MGAM2: variants seen among roughly 807,000 people sequenced by gnomAD.
MGAM2 encodes maltase-glucoamylase 2 (putative), also known as probable maltase-glucoamylase 2.
In MGAM2, 98 loss-of-function variants were observed where a neutral mutation model predicts 96.1. The ratio of observed to expected loss-of-function variants is 1.02; its 90% CI spans 0.87 to 1.21. The LOEUF (loss-of-function observed/expected upper bound fraction) is 1.21, where lower values mean the gene tolerates loss of function less well. Ranked by LOEUF, MGAM2 falls within the 50% of genes most tolerant of loss-of-function variation. The pLI, the probability that MGAM2 is intolerant of heterozygous loss-of-function variation, is 0.00. For synonymous variants in MGAM2, 749 were observed against 414.8 expected (o/e 1.81, Z -9.79); for missense variants, 2,055 against 1,182.4 (o/e 1.74, Z -10.82).
chr7:142,192,482 C>T (rs973135417), intron 37 of MGAM2, among the ~76,000 whole-genome samples: 3 of 152,134 alleles, frequency 2.0e-5, no homozygotes, highest in Non-Finnish European at 4.4e-5. Context: ...TTATAGGAGT[C>T]AAACATGAGA....
At chr7:142,166,774 T>A (rs1446316753) in intron 25 of MGAM2, among the ~76,000 whole-genome samples, 2 of 152,170 alleles carry the variant, frequency 1.3e-5, no homozygotes, top group Non-Finnish European at 2.9e-5. Flanking sequence ...AAAAAATGGA[T>A]GTGTTCATTT....
chr7:142,205,567 T>G (rs1267693059), intron 45 of MGAM2, among the ~76,000 whole-genome samples: 1 of 152,184 alleles, frequency 6.6e-6, no homozygotes, highest in Admixed American at 6.5e-5. Flanking sequence ...TAACTAATGT[T>G]GTTGAACATC....
chr7:142,143,554 G>A (rs1380614524), intron 12 of MGAM2, among the ~76,000 whole-genome samples: 1 of 152,128 alleles, frequency 6.6e-6, no homozygotes, highest in Admixed American at 6.6e-5. Flanking sequence ...AGGACTTATG[G>A]TGGCTTTTCA....
intron 40 of MGAM2, 89 bp from the exon 41 acceptor site, chr7:142,197,311 T>C: frequency 1.5e-6 from 1 of 653,144 alleles, no homozygotes; most frequent in South Asian, 1.7e-5. Context: ...TAACCTACAT[T>C]TTGAATAAAT....
At chr7:142,186,230 A>C (rs1796695843) in intron 35 of MGAM2, 107 bp downstream of exon 35, 1 of 628,300 alleles carries the variant, frequency 1.6e-6, no homozygotes, top group Non-Finnish European at 2.8e-6. Context: ...AAGAGATGAA[A>C]GGGAGAATCT....
At position 142,202,315 on chromosome 7, in the gene MGAM2, A is replaced by G. The variant is rs529507902; in HGVS notation, c.5137+2347A>G. Among the ~76,000 whole-genome samples, 168 of 152,322 alleles carry G rather than the reference A, an allele frequency of 1.1e-3. 3 individuals carry two copies. Among genetic ancestry groups the G allele is most frequent in the Non-Finnish European group, 7.8e-4 (53 of 68,032 alleles). ...CCTTATATAAAATGATAATATTTTT[A>G]TAATTTCAACTTTTATTTTAGATAT... On this transcript the variant is annotated intron_variant, in intron 45 of 47. Coordinates refer to ENST00000477922, the MANE Select transcript of MGAM2 (RefSeq NM_001293626.2).
At chr7:142,122,294 T>A (rs79421137) in intron 3 of MGAM2, among the ~76,000 whole-genome samples, 1 of 152,180 alleles carries the variant, frequency 6.6e-6, no homozygotes, top group Non-Finnish European at 1.5e-5. Context: ...AGTATATTAT[T>A]AGCTACAGTC....
rs187432189 is a variant in MGAM2 at position 142,198,933 on chromosome 7, A to T, written c.5048+194A>T. On this transcript the variant is annotated intron_variant, in intron 44 of 47. Coordinates refer to ENST00000477922, the MANE Select transcript of MGAM2 (RefSeq NM_001293626.2). ...TGAGTTCATAAAGTTAGTCTTAGGG[A>T]TATATATACACACATATATTTTTGT... Among the ~76,000 whole-genome samples, 20 of 152,334 alleles carry T rather than the reference A, an allele frequency of 1.3e-4. No individual in the cohort carries two copies. In the East Asian group the frequency reaches 3.9e-3, roughly 29 times the overall value.
chr7:142,212,861 C>T (rs1797631646), intron 46 of MGAM2, among the ~76,000 whole-genome samples: 1 of 152,174 alleles, frequency 6.6e-6, no homozygotes, highest in South Asian at 2.1e-4. Context: ...GAACTCTCCA[C>T]CCTAAATCAA....
chr7:142,178,656 T>C (rs1240388872), intron 32 of MGAM2, among the ~76,000 whole-genome samples: 1 of 152,196 alleles, frequency 6.6e-6, no homozygotes, highest in Non-Finnish European at 1.5e-5. Context: ...GAAGATCAGA[T>C]AATAATTGTA....
intron 3 of MGAM2, among the ~76,000 whole-genome samples, chr7:142,124,294 T>A (rs912514389): frequency 1.3e-5 from 2 of 152,090 alleles, no homozygotes; most frequent in African/African-American, 4.8e-5. Context: ...TTTTCTTGAA[T>A]TTTTAATCGA....
Position 142,221,218 on chromosome 7 carries a change from C to T in MGAM2, c.6707C>T (p.Ser2236Phe), listed in dbSNP as rs1797917642. The T allele has an allele frequency of 1.4e-6, 1 of 701,814 alleles. No homozygotes were observed. The allele number at this position is 701,814 out of a possible 1,614,324, so 43.5% of individuals were successfully genotyped here. ...GTTGCTAGCACAAATAATGATGCTT[C>T]TATGACAAATTTTCTTTTAGCTACA... ...TDVASTNNDASMTNFLLATMS... is the reference protein window; with the variant it reads ...TDVASTNNDAFMTNFLLATMS... Residue 2236 changes from serine to phenylalanine, a missense_variant, in exon 48 of 48, where the codon TCT becomes TTT. Transcript: ENST00000477922.
chr7:142,125,414 G>A (rs1794704366), intron 3 of MGAM2, among the ~76,000 whole-genome samples: 1 of 152,098 alleles, frequency 6.6e-6, no homozygotes. Flanking sequence ...GAGGTCTGTG[G>A]ACTTTGAAAC....
intron 3 of MGAM2, among the ~76,000 whole-genome samples, chr7:142,127,692 A>T (rs1439730070): frequency 2.0e-5 from 3 of 152,098 alleles, no homozygotes; most frequent in Non-Finnish European, 4.4e-5. Flanking sequence ...TATAAAGGGG[A>T]GTTCCCCTGC....
chr7:142,198,814 CT>C, intron 44 of MGAM2, 75 bp downstream of exon 44: 1 of 644,894 alleles, frequency 1.6e-6, no homozygotes, highest in Non-Finnish European at 2.8e-6. Context: ...GCTGTCCCAC[CT>C]TCGCCAGGGA....
chr7:142,146,838 C>T lies in MGAM2; in HGVS notation c.1517-618C>T, dbSNP rs531585130. On this transcript the variant is annotated intron_variant, in intron 14 of 47. Coordinates refer to ENST00000477922, the MANE Select transcript of MGAM2 (RefSeq NM_001293626.2). Reference sequence around the variant, plus strand: ...CGCCTCCCGGGCTCAAGTGATTCTCCTGCCTCAGCCTCCCAAGTAGCTGGG... The same window carrying T: ...CGCCTCCCGGGCTCAAGTGATTCTCTTGCCTCAGCCTCCCAAGTAGCTGGG... 3.3e-5 allele frequency among the ~76,000 whole-genome samples: 5 copies of T among 152,156 alleles called. No homozygotes were observed. In the East Asian group the frequency reaches 9.7e-4, roughly 29 times the overall value.
intron 33 of MGAM2, among the ~76,000 whole-genome samples, 193 bp from the exon 34 acceptor site, chr7:142,184,882 CAT>C (rs76031018): frequency 0.19 from 28,569 of 152,058 alleles, 2,949 homozygotes; most frequent in East Asian, 0.34. Context: ...ATTTTGAAAA[CAT>C]AGAATGAATC....
chr7:142,198,399 C>G (rs1450875306), intron 43 of MGAM2, among the ~76,000 whole-genome samples: 2 of 152,200 alleles, frequency 1.3e-5, no homozygotes, highest in Non-Finnish European at 2.9e-5. Context: ...CCCCCTCACC[C>G]TTGCCCTTGC....
In MGAM2 at chr7:142,167,342, C is replaced by T; in HGVS notation, c.2883C>T (p.Tyr961=). 1.4e-6 allele frequency: 1 copy of T among 702,918 alleles called. No homozygotes were observed. The highest frequency in any genetic ancestry group is 2.6e-6 in the Non-Finnish European group (1 of 384,998). 43.5% of individuals were successfully genotyped at this position (702,918 alleles called of 1,614,324 possible). ...IPNYVASDIQ[Y]LNTSITADLS... is the part of the protein sequence containing the mutation. ...ATTATGTTGCTAGTGATATTCAGTA[C>T]CTGAACACCAGCATCACTGCAGACC... Residue 961 remains tyrosine (Y), a synonymous_variant, in exon 26 of 48, where the codon TAC becomes TAT. Transcript: ENST00000477922.
Sources: allele counts gnomAD v4.1 joint callset (sites outside exome capture counted in the v4.1 genomes callset), GRCh38; gene constraint gnomAD v4.1.1; transcripts MANE v1.5; gene names NCBI Gene and HGNC (gene_info 2026-07-23, HGNC 2026-07-21).